The following ZNF225 variants were observed in gnomAD, a reference collection of about 807,000 sequenced individuals.
ZNF225 encodes zinc finger protein 225.
ZNF225 carries 6 observed loss-of-function variants against 12.0 expected under a neutral mutation model. That is an observed-to-expected ratio of 0.50 (90% CI 0.27 to 0.98). The LOEUF is 0.98. ZNF225 is among the 50% of genes least tolerant of loss of function. ZNF225 has a pLI of 0.11. For synonymous variants in ZNF225, 271 were observed against 283.2 expected (o/e 0.96, Z 0.43); for missense variants, 763 against 848.2 (o/e 0.90, Z 1.25).
intron 4 of ZNF225, among the ~76,000 whole-genome samples, chr19:44,123,638 G>T (rs1968094992): frequency 6.6e-6 from 1 of 151,926 alleles, no homozygotes; most frequent in Non-Finnish European, 1.5e-5. Flanking sequence ...TTTTTTGTTT[G>T]TAATTTTTAA....
chr19:44,132,116 C>T lies in ZNF225; in HGVS notation c.1502C>T (p.Thr501Ile), dbSNP rs1968280720. Residue 501 changes from threonine (T) to isoleucine (I), a missense_variant, in exon 5 of 5, where the codon ACC (threonine) becomes ATC (isoleucine). By Grantham distance (89) the Thr-to-Ile change is moderately conservative. Transcript: ENST00000262894. ...TTTACTCAGAATTCACAACTTTATA[C>T]CCATCGTAGAGTCCACAGTGGAGAA... ...KRFTQNSQLY[T>I]HRRVHSGEKP... The T allele has an allele frequency of 6.2e-7, 1 of 1,613,538 alleles. No individual in the cohort carries two copies. The highest frequency in any genetic ancestry group is 1.7e-5 in the Admixed American group (1 of 59,974).
intron 4 of ZNF225, among the ~76,000 whole-genome samples, chr19:44,120,413 T>C (rs1968030822): frequency 6.6e-6 from 1 of 152,192 alleles, no homozygotes; most frequent in African/African-American, 2.4e-5. Context: ...TATCTAATTA[T>C]TTGTTATCCT....
Position 44,131,965 on chromosome 19 carries a change from A to G in ZNF225, c.1351A>G (p.Arg451Gly). ...TCTTGACTTTCATCAGAGGGTCCAC[A>G]GAGGAGAGAAACCCTATAATTGTAA... The part of the protein sequence containing the change: ...LDLDFHQRVH[R>G]GEKPYNCKEC... The change falls in exon 5 of 5, where the codon AGA (arginine) becomes GGA (glycine). Residue 451 changes from arginine (R) to glycine (G), a missense_variant. By Grantham distance (125) the Arg-to-Gly change is moderately radical. Coordinates refer to ENST00000262894, the MANE Select transcript of ZNF225 (RefSeq NM_013362.4). 20 of 1,614,086 alleles carry G rather than the reference A, an allele frequency of 1.2e-5. No homozygotes were observed. Among genetic ancestry groups the G allele is most frequent in the Non-Finnish European group, 1.7e-5 (20 of 1,180,008 alleles).
Position 44,133,845 on chromosome 19 carries a change from G to T in ZNF225, c.*1110G>T, listed in dbSNP as rs867179643. On this transcript the variant is annotated 3_prime_UTR_variant, in exon 5 of 5. Transcript: ENST00000262894. Reference sequence around the variant, plus strand: ...GATTTTTATAATCAAATCTACCAGAGATAGATTTGATTTTTATAATCAAAT... The same window carrying T: ...GATTTTTATAATCAAATCTACCAGATATAGATTTGATTTTTATAATCAAAT... 2.1e-5 allele frequency: 3 copies of T among 139,882 alleles called. No homozygotes were observed. Among genetic ancestry groups the T allele is most frequent in the Non-Finnish European group, 4.8e-5 (3 of 62,844 alleles). The allele number at this position is 139,882 out of a possible 1,614,324, so 8.7% of individuals were successfully genotyped here.
chr19:44,121,987 C>T (rs960396634), intron 4 of ZNF225, among the ~76,000 whole-genome samples: 3 of 152,190 alleles, frequency 2.0e-5, no homozygotes, highest in Admixed American at 2.0e-4. Flanking sequence ...TGTGCAAAAG[C>T]TCTTTAGTTT....
At chr19:44,118,902 C>G (rs574379359) in intron 4 of ZNF225, among the ~76,000 whole-genome samples, 2 of 151,810 alleles carry the variant, frequency 1.3e-5, no homozygotes, top group African/African-American at 4.8e-5. Flanking sequence ...CTGCAAGCTC[C>G]GCTTCCCGGG....
At chr19:44,114,228 G>C in intron 1 of ZNF225, 1 of 996,650 alleles carries the variant, frequency 1.0e-6, no homozygotes, top group South Asian at 1.3e-5. Context: ...GTGATCCTTG[G>C]CTTTTTTCTT....
chr19:44,116,341 C>T (rs960846558), intron 2 of ZNF225, among the ~76,000 whole-genome samples: 1 of 152,202 alleles, frequency 6.6e-6, no homozygotes, highest in African/African-American at 2.4e-5. Flanking sequence ...TGTGCCAACA[C>T]GAGAGCCAGC....
chr19:44,111,625 A>C (rs745790739), upstream of ZNF225, among the ~76,000 whole-genome samples: 27 of 152,258 alleles, frequency 1.8e-4, no homozygotes, highest in Non-Finnish European at 1.6e-4. Context: ...AAAGGAATGA[A>C]GTACTGATAC....
At position 44,113,585 on chromosome 19, in the gene ZNF225, G is replaced by A. The variant is rs1967875885; in HGVS notation, c.-69+16G>A. On this transcript the variant is annotated intron_variant, in intron 1 of 4. Coordinates refer to ENST00000262894, the MANE Select transcript of ZNF225 (RefSeq NM_013362.4). ...GAGAGCAGAGGTTTGGCGGAGCGGG[G>A]CCGCTGTTTTCGTTCTCGTCAGTGG... 1 of 152,234 alleles carries A rather than the reference G, an allele frequency of 6.6e-6. No homozygotes were observed. The highest frequency in any genetic ancestry group is 2.4e-5 in the African/African-American group (1 of 41,442). 9.4% of individuals were successfully genotyped at this position (152,234 alleles called of 1,614,324 possible). A position where few individuals can be genotyped will look rare whatever the true frequency, so the allele number is the denominator to read the frequency against.
At position 44,118,550 on chromosome 19, in the gene ZNF225, G is replaced by GT. The variant is rs764549796; in HGVS notation, c.211_212insT (p.Ala71ValfsTer26). The GT allele has an allele frequency of 1.8e-4, 288 of 1,612,802 alleles. No homozygotes were observed. The highest frequency in any genetic ancestry group is 2.3e-4 in the Non-Finnish European group (267 of 1,179,238). On this transcript the variant is annotated frameshift_variant, in exon 4 of 5. Coordinates refer to ENST00000262894, the MANE Select transcript of ZNF225 (RefSeq NM_013362.4). LOFTEE classifies it low-confidence loss of function (END_TRUNC). ...AGAAAAGTTTTGGATGATGGAGACA[G>GT]CAACCCAAAGAGAAGGGAATTTAGG...
rs766624461 is a variant in ZNF225, at chr19:44,132,461, G to T, written c.1847G>T (p.Arg616Met). Residue 616 changes from arginine (R) to methionine (M), a missense_variant, in exon 5 of 5, where the codon AGG becomes ATG. Coordinates refer to ENST00000262894, the MANE Select transcript of ZNF225 (RefSeq NM_013362.4). ...TENSQLHSHQ[R>M]VHTGEKPYKC... ...AATTCACAGCTTCATTCCCATCAGA[G>T]GGTTCACACTGGGGAAAAGCCATAC... 2 of 1,614,034 alleles carry T rather than the reference G, an allele frequency of 1.2e-6. No homozygotes were observed. Among genetic ancestry groups the T allele is most frequent in the Non-Finnish European group, 1.7e-6 (2 of 1,180,022 alleles).
chr19:44,129,237 C>A, intron 4 of ZNF225: 2 of 639,188 alleles, frequency 3.1e-6, no homozygotes, highest in Non-Finnish European at 4.5e-6. Context: ...AAGAGCTTAA[C>A]CAATTGCAAA....
chr19:44,114,998 A>T (rs919999189), intron 1 of ZNF225, among the ~76,000 whole-genome samples: 2 of 152,058 alleles, frequency 1.3e-5, no homozygotes, highest in Non-Finnish European at 2.9e-5. Context: ...ACACTCCCTA[A>T]TTTTTTAGTT....
chr19:44,122,567 A>G (rs1274075316), intron 4 of ZNF225, among the ~76,000 whole-genome samples: 1 of 152,040 alleles, frequency 6.6e-6, no homozygotes, highest in African/African-American at 2.4e-5. Context: ...GATTGCATTT[A>G]ATTTGTAGAT....
chr19:44,117,193 T>C (rs1376471370), intron 2 of ZNF225, among the ~76,000 whole-genome samples: 2 of 152,246 alleles, frequency 1.3e-5, no homozygotes, highest in South Asian at 2.1e-4. Flanking sequence ...TGTATTTCCT[T>C]GTTTAATCAT....
chr19:44,115,813 G>C lies in ZNF225; in HGVS notation c.-15G>C, dbSNP rs1216752375. 2 of 1,612,884 alleles carry C rather than the reference G, an allele frequency of 1.2e-6. No homozygotes were observed. Among genetic ancestry groups the C allele is most frequent in the Non-Finnish European group, 1.7e-6 (2 of 1,179,384 alleles). ...TCACTCAGGACTCTGAATATTCCCT[G>C]AAATAGGAGGAAAAATGACCACGTT... is the stretch of plus-strand genomic sequence containing the variant. On this transcript the variant is annotated 5_prime_UTR_variant, in exon 2 of 5. Transcript: ENST00000262894.
In ZNF225 at chr19:44,132,824, C is replaced by A; in HGVS notation, c.*89C>A. On this transcript the variant is annotated 3_prime_UTR_variant, in exon 5 of 5. Transcript: ENST00000262894. ...AAATCAGTGTAATTAACATACCTAT[C>A]ACCTCAAACATTTATCATTTATTTA... is the stretch of plus-strand genomic sequence containing the variant. 9.1e-7 allele frequency: 1 copy of A among 1,098,058 alleles called. No individual in the cohort carries two copies. The highest frequency in any genetic ancestry group is 1.7e-5 in the South Asian group (1 of 57,146). The allele number at this position is 1,098,058 out of a possible 1,614,324, so 68.0% of individuals were successfully genotyped here. A position where few individuals can be genotyped will look rare whatever the true frequency, so the allele number is the denominator to read the frequency against.
intron 4 of ZNF225, chr19:44,128,956 C>T (rs2147571823): frequency 1.3e-6 from 1 of 770,222 alleles, no homozygotes; most frequent in African/African-American, 1.8e-5. Flanking sequence ...CAGGGCATGA[C>T]CCCTTAGGCG....
Sources: allele counts gnomAD v4.1 joint callset (sites outside exome capture counted in the v4.1 genomes callset), GRCh38; gene constraint gnomAD v4.1.1; transcripts MANE v1.5; gene names NCBI Gene and HGNC (gene_info 2026-07-23, HGNC 2026-07-21).